ANKS1A: variants seen among roughly 807,000 people sequenced by gnomAD.
ANKS1A encodes ankyrin repeat and sterile alpha motif domain containing 1A.
A neutral mutation model predicts 120.3 loss-of-function variants in ANKS1A; 55 were observed. The observed-to-expected ratio is 0.46, with a 90% CI of 0.37 to 0.57. ANKS1A has a LOEUF of 0.57. Ranked by LOEUF, ANKS1A falls within the 20% of genes least tolerant of loss-of-function variation. The pLI is 0.00. For missense variants in ANKS1A, 1,123 were observed against 1,480.3 expected, an observed-to-expected ratio of 0.76 and a Z score of 3.96; for synonymous variants, 590 against 604.7, an observed-to-expected ratio of 0.98 and a Z score of 0.36.
At position 35,091,009 on chromosome 6, in the gene ANKS1A, G is replaced by A; in HGVS notation, c.*2400G>A. On this transcript the variant is annotated 3_prime_UTR_variant, in exon 24 of 24. Coordinates refer to ENST00000360359, the MANE Select transcript of ANKS1A (RefSeq NM_015245.3). ...CTCGGGTTTGAGCAGGGAGCAGGCA[G>A]AGCTGCAGTCAGAGACATTAGAAAA... 1.0e-6 allele frequency: 1 copy of A among 985,918 alleles called. No homozygotes were observed. The highest frequency in any genetic ancestry group is 1.2e-6 in the Non-Finnish European group (1 of 829,960). The allele number at this position is 985,918 out of a possible 1,614,324, so 61.1% of individuals were successfully genotyped here. A position where few individuals can be genotyped will look rare whatever the true frequency, so the allele number is the denominator to read the frequency against.
intron 13 of ANKS1A, among the ~76,000 whole-genome samples, chr6:35,067,885 AATTTTTT>A (rs1776858655): frequency 8.6e-6 from 1 of 115,834 alleles, no homozygotes; most frequent in Non-Finnish European, 1.8e-5. Context: ...CTTCATTTTC[AATTTTTT>A]TTTTTTTTTT....
chr6:35,086,387 GTC>G lies in ANKS1A; in HGVS notation c.3303+453_3303+454del, dbSNP rs765828215. On this transcript the variant is annotated intron_variant, in intron 22 of 23. Coordinates refer to ENST00000360359, the MANE Select transcript of ANKS1A (RefSeq NM_015245.3). The surrounding 1 kb of genome is among the most constrained non-coding windows in gnomAD (Gnocchi z 5.1). ...AGTCAAGGTCTTTACGCCTCCTGCT[GTC>G]TTGTGTGTCAGTCTCCCCGAAGTGA... The G allele has an allele frequency of 8.7e-5, 112 of 1,291,368 alleles. No individual in the cohort carries two copies. The South Asian group carries it at 1.0e-3, about 12-fold the overall frequency. The allele number at this position is 1,291,368 out of a possible 1,614,324, so 80.0% of individuals were successfully genotyped here. A position where few individuals can be genotyped will look rare whatever the true frequency, so the allele number is the denominator to read the frequency against.
downstream of ANKS1A, among the ~76,000 whole-genome samples, chr6:35,092,061 T>C (rs150834956): frequency 2.9e-4 from 44 of 152,348 alleles, no homozygotes; most frequent in Non-Finnish European, 4.7e-4. Context: ...GTTCCAGCTC[T>C]GCTAGCTTTC....
intron 3 of ANKS1A, among the ~76,000 whole-genome samples, chr6:34,973,887 AC>A (rs1771322783): frequency 2.8e-4 from 3 of 10,848 alleles, no homozygotes; most frequent in Admixed American, 1.0e-3. Flanking sequence ...CTTCCCCTTC[AC>A]TTCCCCTTCC....
chr6:34,985,399 GC>G, intron 8 of ANKS1A, 121 bp downstream of exon 8: 1 of 967,370 alleles, frequency 1.0e-6, no homozygotes, highest in Non-Finnish European at 1.5e-6. Flanking sequence ...GGGGCCTGGA[GC>G]CCACTTATTC....
intron 10 of ANKS1A, among the ~76,000 whole-genome samples, chr6:35,008,997 C>T (rs984797072): frequency 5.3e-5 from 8 of 152,102 alleles, no homozygotes; most frequent in African/African-American, 1.7e-4. Context: ...AAGAGTAATC[C>T]GGTTTGGCTG....
At chr6:35,025,271 C>G (rs961073371) in intron 11 of ANKS1A, among the ~76,000 whole-genome samples, 1 of 151,232 alleles carries the variant, frequency 6.6e-6, no homozygotes, top group Non-Finnish European at 1.5e-5. Flanking sequence ...CACACACACA[C>G]GCATATATGT....
At chr6:35,024,008 CTT>C (rs752822957) in intron 11 of ANKS1A, among the ~76,000 whole-genome samples, 7 of 152,000 alleles carry the variant, frequency 4.6e-5, no homozygotes, top group Non-Finnish European at 1.0e-4. Flanking sequence ...GTCTCTAAAA[CTT>C]TGTTTTTCTG....
At chr6:35,083,035 G>GA in intron 18 of ANKS1A, 120 bp from the exon 19 acceptor site, 1 of 1,349,108 alleles carries the variant, frequency 7.4e-7, no homozygotes, top group Non-Finnish European at 1.0e-6. Context: ...TGGGGCAGGA[G>GA]AGGGGGTGTT....
At chr6:34,990,847 G>A (rs748685658) in intron 9 of ANKS1A, among the ~76,000 whole-genome samples, 3 of 152,126 alleles carry the variant, frequency 2.0e-5, no homozygotes, top group Non-Finnish European at 4.4e-5. Context: ...GTCAGTATTT[G>A]GAAGATGGTG....
intron 17 of ANKS1A, among the ~76,000 whole-genome samples, chr6:35,081,996 A>C (rs193087870): frequency 6.6e-6 from 1 of 152,202 alleles, no homozygotes; most frequent in East Asian, 1.9e-4. Context: ...CCCTTTCTAC[A>C]AGCACAGCCA....
chr6:35,053,105 C>T (rs1475012294), intron 11 of ANKS1A, among the ~76,000 whole-genome samples: 1 of 152,204 alleles, frequency 6.6e-6, no homozygotes, highest in East Asian at 1.9e-4. Context: ...ATTGTTTTTC[C>T]AATTGTCTGA....
intron 1 of ANKS1A, among the ~76,000 whole-genome samples, chr6:34,920,762 G>T (rs1768393895): frequency 6.6e-6 from 1 of 152,292 alleles, no homozygotes; most frequent in African/African-American, 2.4e-5. Flanking sequence ...GATGTAAAGT[G>T]CTCAGAGTCA....
intron 1 of ANKS1A, among the ~76,000 whole-genome samples, chr6:34,938,878 C>T (rs754362407): frequency 5.3e-5 from 8 of 152,176 alleles, no homozygotes; most frequent in African/African-American, 1.2e-4. Flanking sequence ...ATCCCACCTA[C>T]GCGGACGGCT....
chr6:35,073,084 G>A (rs1777158351), intron 13 of ANKS1A, among the ~76,000 whole-genome samples: 1 of 152,200 alleles, frequency 6.6e-6, no homozygotes, highest in African/African-American at 2.4e-5. Context: ...AGGTTTATTG[G>A]GCGGATTTTT....
rs141760971 is a variant in ANKS1A at position 34,985,119 on chromosome 6, T to A, written c.1050T>A (p.Asp350Glu). The A allele has an allele frequency of 1.3e-5, 21 of 1,614,010 alleles. No individual in the cohort carries two copies. Among genetic ancestry groups the A allele is most frequent in the Admixed American group, 1.7e-5 (1 of 60,008 alleles). Residue 350 changes from aspartate (D) to glutamate (E), a missense_variant, in exon 8 of 24, where the codon GAT (aspartate) becomes GAA (glutamate). Asp to Glu is a conservative substitution (Grantham distance 45). Transcript: ENST00000360359. ...VEKAVTELII[D>E]FDANAEEEGP... ...AAGCAGTGACTGAACTGATTATAGA[T>A]TTTGATGCAAATGCTGAAGAAGAGG...
chr6:34,922,755 G>A (rs111593367), intron 1 of ANKS1A, among the ~76,000 whole-genome samples: 11,919 of 149,706 alleles, frequency 0.08, 668 homozygotes, highest in East Asian at 0.33. Flanking sequence ...GTGCAGTGGC[G>A]CGATCTCAGC....
intron 1 of ANKS1A, among the ~76,000 whole-genome samples, chr6:34,904,203 A>G (rs1767520191): frequency 6.6e-6 from 1 of 152,216 alleles, no homozygotes; most frequent in Admixed American, 6.5e-5. Context: ...CAGTCTAATT[A>G]TAATACCTAA....
At chr6:34,938,407 C>G (rs1769363243) in intron 1 of ANKS1A, among the ~76,000 whole-genome samples, 2 of 152,176 alleles carry the variant, frequency 1.3e-5, no homozygotes, top group Admixed American at 1.3e-4. Context: ...ATTGCCCCTG[C>G]CCTGGCACAA....
Sources: allele counts gnomAD v4.1 joint callset (sites outside exome capture counted in the v4.1 genomes callset), GRCh38; gene constraint gnomAD v4.1.1; non-coding constraint Gnocchi (gnomAD v3.1); transcripts MANE v1.5; gene names NCBI Gene and HGNC (gene_info 2026-07-23, HGNC 2026-07-21).